POFUT3: variants seen among roughly 807,000 people sequenced by gnomAD.
POFUT3 encodes the protein GDP-fucose protein O-fucosyltransferase 3.
the POFUT3 span, among the ~76,000 whole-genome samples, chr8:33,396,055 G>A: frequency 6.6e-6 from 1 of 152,180 alleles, no homozygotes; most frequent in African/African-American, 2.4e-5. Flanking sequence ...TCAAGGAGTA[G>A]TGGCAGTGGT....
the POFUT3 span, among the ~76,000 whole-genome samples, chr8:33,429,786 A>G: frequency 3.3e-4 from 50 of 152,206 alleles, no homozygotes; most frequent in East Asian, 5.4e-3. Flanking sequence ...ACTTGAGGCC[A>G]GGAGTTTGAG....
chr8:33,422,872 C>G, the POFUT3 span, among the ~76,000 whole-genome samples: 1 of 151,932 alleles, frequency 6.6e-6, no homozygotes, highest in African/African-American at 2.4e-5. Flanking sequence ...GATGGAGTGG[C>G]ACGATCTCGG....
At chr8:33,389,536 C>T in the POFUT3 span, 6,034 of 1,614,098 alleles carry the variant, frequency 3.7e-3, 156 homozygotes, top group African/African-American at 0.067. Context: ...CATACACCAG[C>T]GGAGCAAGTC....
At chr8:33,313,786 G>T in the POFUT3 span, among the ~76,000 whole-genome samples, 1 of 152,030 alleles carries the variant, frequency 6.6e-6, no homozygotes, top group African/African-American at 2.4e-5. Context: ...AAACACAATT[G>T]TGCCCATTTT....
chr8:33,371,195 T>C, the POFUT3 span: 1 of 152,284 alleles, frequency 6.6e-6, no homozygotes, highest in East Asian at 1.9e-4. Context: ...TCATATTTAG[T>C]TAATGAAAGA....
chr8:33,390,197 G>C, the POFUT3 span, among the ~76,000 whole-genome samples: 1 of 148,322 alleles, frequency 6.7e-6, no homozygotes. Flanking sequence ...ATGTGTGTGT[G>C]TGTGTCATAC....
the POFUT3 span, among the ~76,000 whole-genome samples, chr8:33,383,464 T>C: frequency 6.6e-6 from 1 of 152,156 alleles, no homozygotes; most frequent in Admixed American, 6.5e-5. Flanking sequence ...AAATAGCTTA[T>C]ATACCAAGAG....
the POFUT3 span, among the ~76,000 whole-genome samples, chr8:33,456,705 C>A: frequency 1.3e-5 from 2 of 151,880 alleles, no homozygotes; most frequent in Non-Finnish European, 2.9e-5. Context: ...GATAAATGAC[C>A]CAGTTTTTAA....
At chr8:33,389,119 T>C in the POFUT3 span, 4 of 1,614,210 alleles carry the variant, frequency 2.5e-6, no homozygotes, top group South Asian at 3.3e-5. Context: ...TCAGCTTCCA[T>C]TCTACATAGG....
chr8:33,407,751 C>A, the POFUT3 span, among the ~76,000 whole-genome samples: 69 of 152,180 alleles, frequency 4.5e-4, no homozygotes, highest in African/African-American at 1.6e-3. Context: ...GCCTGTAATC[C>A]CAGCACTTTG....
the POFUT3 span, among the ~76,000 whole-genome samples, chr8:33,443,966 CT>C: frequency 0.062 from 8,294 of 133,640 alleles, 280 homozygotes; most frequent in African/African-American, 0.11. Flanking sequence ...TTTCTACAAG[CT>C]TTTTTTTTTT....
the POFUT3 span, chr8:33,372,422 CT>C: frequency 3.5e-6 from 5 of 1,416,858 alleles, no homozygotes; most frequent in African/African-American, 5.8e-5. Flanking sequence ...TAATTTACAT[CT>C]ATTCCTTGAA....
chr8:33,338,869 G>C, the POFUT3 span: 1 of 152,104 alleles, frequency 6.6e-6, no homozygotes, highest in Non-Finnish European at 1.5e-5. Context: ...TCTTATTCTT[G>C]CTTCAACAAC....
the POFUT3 span, among the ~76,000 whole-genome samples, chr8:33,315,619 A>C: frequency 6.6e-6 from 1 of 152,102 alleles, no homozygotes; most frequent in African/African-American, 2.4e-5. Context: ...AAAATGAGAG[A>C]GAAACCGATG....
chr8:33,366,797 T>A, the POFUT3 span, among the ~76,000 whole-genome samples: 1 of 152,192 alleles, frequency 6.6e-6, no homozygotes, highest in Admixed American at 6.5e-5. Context: ...GTAAGCATAG[T>A]TTGTCAGATT....
the POFUT3 span, among the ~76,000 whole-genome samples, chr8:33,318,684 T>C: frequency 1.3e-5 from 1 of 76,934 alleles, no homozygotes; most frequent in African/African-American, 5.6e-5. Context: ...ATTGTATATA[T>C]ATTTTATATA....
chr8:33,365,766 A>G, the POFUT3 span, among the ~76,000 whole-genome samples: 2 of 151,718 alleles, frequency 1.3e-5, no homozygotes, highest in East Asian at 1.9e-4. Flanking sequence ...ACAGATGCTG[A>G]AGAGGATGTG....
chr8:33,461,875 C>G, the POFUT3 span: 1 of 339,064 alleles, frequency 2.9e-6, no homozygotes, highest in Non-Finnish European at 5.7e-6. Flanking sequence ...GTAAGGAAAT[C>G]AAGGCTGGGC....
At chr8:33,318,503 TATA>T in the POFUT3 span, among the ~76,000 whole-genome samples, 2 of 106,882 alleles carry the variant, frequency 1.9e-5, no homozygotes, top group Non-Finnish European at 3.4e-5. Flanking sequence ...TATATTATAA[TATA>T]ATATATTATG....
Sources: allele counts gnomAD v4.1 joint callset (sites outside exome capture counted in the v4.1 genomes callset), GRCh38; gene constraint gnomAD v4.1.1; transcripts MANE v1.5; gene names NCBI Gene and HGNC (gene_info 2026-07-23, HGNC 2026-07-21).